Variants in TTLL5 observed in about 807,000 individuals in gnomAD.
The protein encoded by TTLL5 is tubulin tyrosine ligase like 5.
In TTLL5, 132 loss-of-function variants were observed where a neutral mutation model predicts 168.4. That is an observed-to-expected ratio of 0.78 (90% CI 0.68 to 0.91). TTLL5 has a LOEUF of 0.91. Ranked by LOEUF, TTLL5 falls within the 40% of genes least tolerant of loss-of-function variation. The pLI, the probability that TTLL5 is intolerant of heterozygous loss-of-function variation, is 0.00. For missense variants in TTLL5, 1,545 were observed against 1,581.5 expected (o/e 0.98, Z 0.39); for synonymous variants, 546 against 558.6 (o/e 0.98, Z 0.32).
intron 28 of TTLL5, among the ~76,000 whole-genome samples, chr14:75,850,100 A>C (rs1372517952): frequency 6.6e-6 from 1 of 151,696 alleles, no homozygotes; most frequent in East Asian, 1.9e-4. Context: ...GGTCTCAAAA[A>C]ATAAAAATAA....
chr14:75,776,346 G>T (rs1413999002), intron 22 of TTLL5, among the ~76,000 whole-genome samples: 1 of 152,116 alleles, frequency 6.6e-6, no homozygotes, highest in Non-Finnish European at 1.5e-5. Flanking sequence ...TATGGAAGCT[G>T]GTATAAGAGT....
At chr14:75,858,451 G>A (rs539808191) in intron 28 of TTLL5, among the ~76,000 whole-genome samples, 4 of 152,188 alleles carry the variant, frequency 2.6e-5, no homozygotes, top group Non-Finnish European at 5.9e-5. Context: ...GACAAAATGA[G>A]ATGTACACAT....
chr14:75,666,814 G>T (rs7146707), intron 2 of TTLL5, among the ~76,000 whole-genome samples: 2,399 of 152,310 alleles, frequency 0.016, 82 homozygotes, highest in African/African-American at 0.054. Context: ...TATTTCTCAT[G>T]AAATTATTCC....
chr14:75,675,684 T>G (rs1884090243), intron 3 of TTLL5, among the ~76,000 whole-genome samples: 1 of 152,174 alleles, frequency 6.6e-6, no homozygotes. Context: ...TTGGGCAGCT[T>G]CAGTTTACAG....
intron 29 of TTLL5, among the ~76,000 whole-genome samples, chr14:75,874,113 A>G (rs2031267922): frequency 6.6e-6 from 1 of 150,936 alleles, no homozygotes; most frequent in Admixed American, 6.6e-5. Context: ...TATTTTTGAG[A>G]CAGAGTTTCA....
Position 75,783,209 on chromosome 14 carries a change from A to G in TTLL5, c.2665A>G (p.Thr889Ala), listed in dbSNP as rs778408194. 7 of 1,614,108 alleles carry G rather than the reference A, an allele frequency of 4.3e-6. No individual in the cohort carries two copies. In the East Asian group the frequency reaches 6.7e-5, roughly 15 times the overall value. The change falls in exon 26 of 32, where the codon ACT becomes GCT. Residue 889 changes from threonine to alanine, a missense_variant. Coordinates refer to ENST00000298832, the MANE Select transcript of TTLL5 (RefSeq NM_015072.5). ...LVYSNSSSGP[T>A]ATLQKIPNTH... ...TTATAGCAATTCCTCCTCTGGTCCT[A>G]CTGCTACTCTGCAGAAAATTCCCAA...
chr14:75,768,196 A>G (rs1355593633), intron 20 of TTLL5, among the ~76,000 whole-genome samples: 1 of 152,222 alleles, frequency 6.6e-6, no homozygotes, highest in Admixed American at 6.5e-5. Context: ...TCAATGGGTA[A>G]GTCAGTAAAA....
At chr14:75,784,575 T>A (rs1892257591) in intron 26 of TTLL5, among the ~76,000 whole-genome samples, 1 of 152,254 alleles carries the variant, frequency 6.6e-6, no homozygotes, top group South Asian at 2.1e-4. Context: ...CGTGTGGACA[T>A]ATGTTTTTAT....
intron 26 of TTLL5, among the ~76,000 whole-genome samples, chr14:75,789,600 G>A (rs943890568): frequency 1.3e-5 from 2 of 152,002 alleles, no homozygotes; most frequent in African/African-American, 4.8e-5. Flanking sequence ...CAATAAAAAT[G>A]TTTTTAAAAA....
At chr14:75,841,080 C>T (rs1268125243) in intron 28 of TTLL5, among the ~76,000 whole-genome samples, 2 of 152,200 alleles carry the variant, frequency 1.3e-5, no homozygotes, top group Admixed American at 1.3e-4. Context: ...AGCAAGCGCT[C>T]ACTCATCACC....
chr14:75,751,161 T>C (rs1889921631), intron 17 of TTLL5, among the ~76,000 whole-genome samples: 1 of 152,214 alleles, frequency 6.6e-6, no homozygotes, highest in South Asian at 2.1e-4. Context: ...TAATGTCTTT[T>C]CCACCTGAGC....
At chr14:75,668,164 G>A (rs557289915) in intron 2 of TTLL5, among the ~76,000 whole-genome samples, 4 of 152,242 alleles carry the variant, frequency 2.6e-5, no homozygotes, top group African/African-American at 4.8e-5. Context: ...TTTAAGAGTC[G>A]AGTGAATCTT....
chr14:75,737,627 G>C, intron 15 of TTLL5: 3 of 1,532,504 alleles, frequency 2.0e-6, no homozygotes, highest in Non-Finnish European at 2.6e-6. Flanking sequence ...AGATCTTTTG[G>C]AGACTTCTTC....
Position 75,734,132 on chromosome 14 carries a change from A to G in TTLL5, c.1186+82A>G, listed in dbSNP as rs1465671441. Reference sequence around the variant, plus strand: ...TTTATCAGACTCCATAGGTTTTGCCAACTGGCAGGTCCTAAGCCATGCTGA... The same window carrying G: ...TTTATCAGACTCCATAGGTTTTGCCGACTGGCAGGTCCTAAGCCATGCTGA... On this transcript the variant is annotated intron_variant, in intron 14 of 31. Transcript: ENST00000298832. The G allele has an allele frequency of 2.7e-5, 36 of 1,341,650 alleles. 1 individual carries two copies. The East Asian group carries it at 8.0e-4, about 30-fold the overall frequency. The allele number at this position is 1,341,650 out of a possible 1,614,324, so 83.1% of individuals were successfully genotyped here.
At chr14:75,820,261 A>G in intron 28 of TTLL5, 100 bp downstream of exon 28, 1 of 1,284,204 alleles carries the variant, frequency 7.8e-7, no homozygotes, top group Non-Finnish European at 1.0e-6. Context: ...AGATAGCACT[A>G]AGGCATATGC....
At chr14:75,737,560 T>C in intron 15 of TTLL5, 1 of 1,535,464 alleles carries the variant, frequency 6.5e-7, no homozygotes. Context: ...TTTCTGTCTT[T>C]TATAGCGTCC....
chr14:75,780,980 A>G (rs569110170), intron 24 of TTLL5, among the ~76,000 whole-genome samples: 1 of 152,306 alleles, frequency 6.6e-6, no homozygotes, highest in African/African-American at 2.4e-5. Flanking sequence ...CTGGTAGGTA[A>G]AAGTCAGGTG....
At chr14:75,853,462 A>T (rs1439704947) in intron 28 of TTLL5, among the ~76,000 whole-genome samples, 2 of 152,186 alleles carry the variant, frequency 1.3e-5, no homozygotes, top group Non-Finnish European at 2.9e-5. Flanking sequence ...AAAAAGCAGG[A>T]ACTATGTGTT....
At chr14:75,684,179 A>G (rs775100837) in intron 5 of TTLL5, 1 of 152,982 alleles carries the variant, frequency 6.5e-6, no homozygotes, top group South Asian at 2.0e-4. Context: ...ATAGACATGG[A>G]TGGTTTTAAA....
Sources: allele counts gnomAD v4.1 joint callset (sites outside exome capture counted in the v4.1 genomes callset), GRCh38; gene constraint gnomAD v4.1.1; transcripts MANE v1.5; gene names NCBI Gene and HGNC (gene_info 2026-07-23, HGNC 2026-07-21).